ZNF334: variants seen among roughly 807,000 people sequenced by gnomAD.
ZNF334 encodes zinc finger protein 334.
Under a neutral mutation model 12.4 loss-of-function variants are expected in ZNF334, and 14 were observed. The observed-to-expected ratio is 1.13, with a 90% confidence interval of 0.74 to 1.76. The LOEUF (loss-of-function observed/expected upper bound fraction) is 1.76, where lower values mean the gene tolerates loss of function less well. Ranked by LOEUF, ZNF334 falls within the 40% of genes most tolerant of loss-of-function variation. The pLI, the probability that ZNF334 is intolerant of heterozygous loss-of-function variation, is 0.00. For synonymous variants in ZNF334, 273 were observed against 269.6 expected (o/e 1.01, Z -0.12); for missense variants, 797 against 804.5 (o/e 0.99, Z 0.11).
the ZNF334 span, chr20:46,464,833 G>A: frequency 1.9e-6 from 1 of 539,508 alleles, no homozygotes; most frequent in Non-Finnish European, 3.8e-6. Flanking sequence ...CAGTTGCAAA[G>A]TTTGAGTCTG....
chr20:46,472,686 TA>T, the ZNF334 span, among the ~76,000 whole-genome samples: 1 of 152,048 alleles, frequency 6.6e-6, no homozygotes, highest in South Asian at 2.1e-4. Flanking sequence ...GTCAGGTAGG[TA>T]GGGTCTCATA....
the ZNF334 span, chr20:46,477,326 G>GT: frequency 6.6e-6 from 1 of 151,810 alleles, no homozygotes; most frequent in Non-Finnish European, 1.5e-5. Flanking sequence ...CTAACAGCCT[G>GT]TTTTTTTGTT....
chr20:46,504,354 G>A lies in ZNF334; in HGVS notation c.149-48C>T, dbSNP rs180871277. 7.6e-5 allele frequency: 115 copies of A among 1,510,558 alleles called. 2 individuals carry two copies. In the Admixed American group the frequency reaches 1.9e-3, roughly 25 times the overall value. The allele number at this position is 1,510,558 out of a possible 1,614,324, so 93.6% of individuals were successfully genotyped here. On this transcript the variant is annotated intron_variant, in intron 3 of 4. Transcript: ENST00000692313. ...CTTGGACCAAGATCTTTGGACATCA[G>A]AGACTCTGAAGAATGAAGAAAGTAC... is the stretch of plus-strand genomic sequence containing the variant.
chr20:46,511,998 A>T, intron 2 of ZNF334, 84 bp downstream of exon 2: 1 of 1,351,276 alleles, frequency 7.4e-7, no homozygotes, highest in Non-Finnish European at 1.1e-6. Context: ...GCTGAATTTT[A>T]TACATTTCGT....
rs2061675200 is a variant in ZNF334 at position 46,512,144 on chromosome 20, GGTAA to G, written c.-38-8_-38-5del. 1 of 1,612,194 alleles carries G rather than the reference GGTAA, an allele frequency of 6.2e-7. No individual in the cohort carries two copies. The highest frequency in any genetic ancestry group is 8.5e-7 in the Non-Finnish European group (1 of 1,178,730). ...GCCAAGAGTGTTGAAAGCAGAGCTGGGTAAGGAAGAATGGCGAATGGAATCATGA... is the reference window on the plus strand; with the variant it reads ...GCCAAGAGTGTTGAAAGCAGAGCTGGGGAAGAATGGCGAATGGAATCATGA... On this transcript the variant is annotated splice_polypyrimidine_tract_variant and splice_region_variant and intron_variant, in intron 1 of 4. Transcript: ENST00000692313.
the ZNF334 span, among the ~76,000 whole-genome samples, chr20:46,476,651 C>G: frequency 6.6e-6 from 1 of 152,118 alleles, no homozygotes. Context: ...TCAGGTTATA[C>G]CTGCAGAACC....
Position 46,510,356 on chromosome 20 carries a change from T to A in ZNF334, c.21+1726A>T, listed in dbSNP as rs375134634. On this transcript the variant is annotated intron_variant, in intron 2 of 4. Coordinates refer to ENST00000692313, the MANE Select transcript of ZNF334 (RefSeq NM_001353824.2). The stretch of plus-strand genomic sequence containing the variant: ...GAGGAGATGGAAGTGAAAGGACAAA[T>A]TCAAGAAATGTTTATGTGACAACAT... Among the ~76,000 whole-genome samples the A allele has an allele frequency of 8.6e-5, 13 of 151,628 alleles. 1 individual carries two copies. Among genetic ancestry groups the A allele is most frequent in the African/African-American group, 3.1e-4 (13 of 41,346 alleles).
At chr20:46,509,730 T>C (rs1479877534) in intron 2 of ZNF334, 7 of 697,584 alleles carry the variant, frequency 1.0e-5, no homozygotes, top group Non-Finnish European at 1.1e-5. Flanking sequence ...CCACACCTCA[T>C]GGTGTGTGGT....
the ZNF334 span, chr20:46,485,436 T>C: frequency 2.8e-5 from 4 of 141,952 alleles, no homozygotes; most frequent in Non-Finnish European, 6.2e-5. Context: ...GAAGGTTTTT[T>C]TTGTTTTTTT....
At chr20:46,470,858 C>T in the ZNF334 span, among the ~76,000 whole-genome samples, 1 of 152,148 alleles carries the variant, frequency 6.6e-6, no homozygotes, top group Admixed American at 6.5e-5. Flanking sequence ...ATCCATTCTA[C>T]TTCTAATGGA....
chr20:46,503,704 G>A (rs879331625), intron 4 of ZNF334, among the ~76,000 whole-genome samples: 11 of 152,194 alleles, frequency 7.2e-5, no homozygotes, highest in Non-Finnish European at 1.5e-4. Context: ...GGGCACCTGT[G>A]CAATCCTGAG....
intron 2 of ZNF334, among the ~76,000 whole-genome samples, chr20:46,508,465 T>G (rs1266463865): frequency 6.6e-6 from 1 of 152,206 alleles, no homozygotes; most frequent in Non-Finnish European, 1.5e-5. Flanking sequence ...CTCCTGGCTA[T>G]GTTCACAATG....
chr20:46,498,288 G>C (rs1468151928), downstream of ZNF334, among the ~76,000 whole-genome samples: 1 of 152,198 alleles, frequency 6.6e-6, no homozygotes, highest in Admixed American at 6.5e-5. Context: ...ATTAAGTACA[G>C]TGAAAGTGAT....
the ZNF334 span, among the ~76,000 whole-genome samples, chr20:46,462,479 G>T: frequency 1.3e-5 from 2 of 152,094 alleles, no homozygotes; most frequent in Admixed American, 1.3e-4. Flanking sequence ...ATCAGAAGTG[G>T]AATTACGCAA....
At chr20:46,493,175 G>A in the ZNF334 span, among the ~76,000 whole-genome samples, 2 of 152,018 alleles carry the variant, frequency 1.3e-5, no homozygotes, top group East Asian at 3.9e-4. Context: ...GATAAGCTAA[G>A]AGGCAGCTAG....
rs1461644774 is a variant in ZNF334, at chr20:46,501,073, G to C, written c.*223C>G. On this transcript the variant is annotated 3_prime_UTR_variant, in exon 5 of 5. Transcript: ENST00000692313. ...CATTTGGCATAACCTTTGAATTGCTGTTGAATATTTTCATAGTTCACAATG... is the reference window on the plus strand; with the variant it reads ...CATTTGGCATAACCTTTGAATTGCTCTTGAATATTTTCATAGTTCACAATG... The C allele has an allele frequency of 5.9e-6, 3 of 510,216 alleles. No homozygotes were observed. The highest frequency in any genetic ancestry group is 1.9e-5 in the African/African-American group (1 of 52,322). The allele number at this position is 510,216 out of a possible 1,614,324, so 31.6% of individuals were successfully genotyped here.
Position 46,502,310 on chromosome 20 carries a change from G to C in ZNF334, c.1029C>G (p.His343Gln). ...KSALAEHFRS[H>Q]TGEKPYECKE... ...TGCATTCGTAAGGCTTCTCCCCTGT[G>C]TGTGACCTGAAATGTTCAGCCAGGG... is the stretch of plus-strand genomic sequence containing the variant. The change falls in exon 5 of 5, where the codon CAC (histidine) becomes CAG (glutamine). Residue 343 changes from histidine to glutamine, a missense_variant. Physicochemically the swap from His to Gln is conservative, Grantham distance 24. Transcript: ENST00000692313. 1 of 1,614,120 alleles carries C rather than the reference G, an allele frequency of 6.2e-7. No individual in the cohort carries two copies. The highest frequency in any genetic ancestry group is 1.7e-5 in the Admixed American group (1 of 60,022).
chr20:46,465,597 C>A, the ZNF334 span, among the ~76,000 whole-genome samples: 3 of 152,112 alleles, frequency 2.0e-5, no homozygotes, highest in African/African-American at 7.2e-5. Flanking sequence ...TGGTGGTGCA[C>A]ACCTGTAGTC....
downstream of ZNF334, among the ~76,000 whole-genome samples, chr20:46,496,297 TGC>T (rs2061023021): frequency 6.6e-6 from 1 of 152,224 alleles, no homozygotes; most frequent in East Asian, 1.9e-4. Context: ...GGTGAGGTGC[TGC>T]TGCATGGCCT....
Sources: allele counts gnomAD v4.1 joint callset (sites outside exome capture counted in the v4.1 genomes callset), GRCh38; gene constraint gnomAD v4.1.1; transcripts MANE v1.5; gene names NCBI Gene and HGNC (gene_info 2026-07-23, HGNC 2026-07-21).